GLRX3: variants seen among roughly 807,000 people sequenced by gnomAD.
The protein encoded by GLRX3 is glutaredoxin-3.
A neutral mutation model predicts 49.5 loss-of-function variants in GLRX3; 22 were observed. The observed-to-expected ratio is 0.44, with a 90% CI of 0.32 to 0.63. The LOEUF (loss-of-function observed/expected upper bound fraction) is 0.63. GLRX3 is among the 30% of genes least tolerant of loss of function. The pLI is 0.05. For missense variants in GLRX3, 385 were observed against 396.3 expected (o/e 0.97, Z 0.24); for synonymous variants, 133 against 140.0 (o/e 0.95, Z 0.35).
At chr10:130,162,421 G>A (rs902320148) in intron 4 of GLRX3, among the ~76,000 whole-genome samples, 10 of 152,178 alleles carry the variant, frequency 6.6e-5, no homozygotes, top group Non-Finnish European at 1.0e-4. Context: ...TCTCTGTTGC[G>A]TTTGTTATTT....
intron 10 of GLRX3, 60 bp downstream of exon 10, chr10:130,175,149 G>T: frequency 1.0e-6 from 1 of 952,468 alleles, no homozygotes; most frequent in Non-Finnish European, 1.7e-6. Context: ...GTTTAAAAAT[G>T]ATTTCATATT....
chr10:130,178,380 A>G (rs114571454), intron 10 of GLRX3, among the ~76,000 whole-genome samples: 2,896 of 151,806 alleles, frequency 0.019, 104 homozygotes, highest in African/African-American at 0.067. Context: ...TCAGCCTCCT[A>G]AGTAGCTAGA....
At chr10:130,146,235 A>G (rs1265511315) in intron 2 of GLRX3, among the ~76,000 whole-genome samples, 1 of 152,244 alleles carries the variant, frequency 6.6e-6, no homozygotes, top group African/African-American at 2.4e-5. Context: ...TTAAAATAGT[A>G]ACACAAATTA....
chr10:130,176,132 T>A (rs1401216603), intron 10 of GLRX3, among the ~76,000 whole-genome samples: 1 of 150,700 alleles, frequency 6.6e-6, no homozygotes, highest in Non-Finnish European at 1.5e-5. Flanking sequence ...TTTTTTTACA[T>A]TTTTTTTTGA....
chr10:130,155,055 C>G (rs1221699260), intron 2 of GLRX3, among the ~76,000 whole-genome samples: 1 of 151,886 alleles, frequency 6.6e-6, no homozygotes, highest in Non-Finnish European at 1.5e-5. Context: ...CACTGCAGCC[C>G]CAAACTTCCG....
intron 1 of GLRX3, among the ~76,000 whole-genome samples, chr10:130,143,724 G>T (rs1003971391): frequency 4.9e-4 from 74 of 151,010 alleles, no homozygotes; most frequent in African/African-American, 1.8e-3. Context: ...TTGAGGCAGA[G>T]TCTTGCTCTG....
At chr10:130,167,645 G>A (rs2134915192) in intron 6 of GLRX3, among the ~76,000 whole-genome samples, 1 of 152,276 alleles carries the variant, frequency 6.6e-6, no homozygotes, top group African/African-American at 2.4e-5. Context: ...TCAGCAATCA[G>A]CCATTCATAG....
chr10:130,173,275 A>G (rs1036155902), intron 8 of GLRX3, among the ~76,000 whole-genome samples: 2 of 152,064 alleles, frequency 1.3e-5, no homozygotes, highest in South Asian at 4.1e-4. Flanking sequence ...TATCTGTCTA[A>G]TCTCCATTGT....
chr10:130,164,193 G>T (rs1862637262), intron 4 of GLRX3, among the ~76,000 whole-genome samples: 1 of 151,832 alleles, frequency 6.6e-6, no homozygotes, highest in Non-Finnish European at 1.5e-5. Context: ...GTGTAGATAG[G>T]GTCTCAGTTG....
chr10:130,136,623 C>T (rs1862057010), intron 1 of GLRX3, 111 bp downstream of exon 1: 28 of 1,197,478 alleles, frequency 2.3e-5, no homozygotes, highest in Non-Finnish European at 2.8e-5. Context: ...TGCCCGGCTC[C>T]CTTCGGCCTC....
intron 1 of GLRX3, among the ~76,000 whole-genome samples, chr10:130,144,884 A>G (rs1862242534): frequency 6.6e-6 from 1 of 152,248 alleles, no homozygotes; most frequent in Non-Finnish European, 1.5e-5. Flanking sequence ...GAATTGCCAC[A>G]CTGTCTTCCA....
At chr10:130,167,674 A>C (rs966338520) in intron 6 of GLRX3, among the ~76,000 whole-genome samples, 24 of 152,236 alleles carry the variant, frequency 1.6e-4, no homozygotes, top group African/African-American at 5.8e-4. Context: ...GGAGATTGTA[A>C]GATAAACCTT....
intron 8 of GLRX3, among the ~76,000 whole-genome samples, chr10:130,173,767 G>A (rs1862860793): frequency 6.6e-6 from 1 of 152,146 alleles, no homozygotes; most frequent in African/African-American, 2.4e-5. Context: ...TTACATTGGG[G>A]TCTTTTTTTG....
intron 2 of GLRX3, among the ~76,000 whole-genome samples, chr10:130,158,726 A>C (rs181366199): frequency 3.0e-4 from 46 of 151,462 alleles, no homozygotes; most frequent in African/African-American, 1.1e-3. Flanking sequence ...AACGTCTTTA[A>C]AACTTTTGAG....
chr10:130,144,674 T>TA (rs1198133915), intron 1 of GLRX3, among the ~76,000 whole-genome samples: 5 of 152,244 alleles, frequency 3.3e-5, no homozygotes, highest in African/African-American at 1.2e-4. Flanking sequence ...TTCCATGGTA[T>TA]ATATGTGCCA....
chr10:130,148,322 G>A lies in GLRX3; in HGVS notation c.201+3003G>A, dbSNP rs577904416. Among the ~76,000 whole-genome samples the A allele has an allele frequency of 7.9e-5, 12 of 151,472 alleles. No homozygotes were observed. The South Asian group carries it at 2.5e-3, about 32-fold the overall frequency. On this transcript the variant is annotated intron_variant, in intron 2 of 10. Transcript: ENST00000331244. ...ATTTTTGTATTTTTTGTAGCGATAC[G>A]GTTTCACCATGTTGCTCAGGCTGGT... is the stretch of plus-strand genomic sequence containing the variant.
At chr10:130,153,252 T>TA (rs928493746) in intron 2 of GLRX3, among the ~76,000 whole-genome samples, 56 of 152,348 alleles carry the variant, frequency 3.7e-4, no homozygotes, top group African/African-American at 1.3e-3. Flanking sequence ...CATGCTCCTT[T>TA]AGCTAGGAGA....
At chr10:130,149,985 T>G (rs1469575260) in intron 2 of GLRX3, among the ~76,000 whole-genome samples, 1 of 147,608 alleles carries the variant, frequency 6.8e-6, no homozygotes, top group Non-Finnish European at 1.5e-5. Context: ...ACGCTTGTAA[T>G]CCCAGCACTT....
At chr10:130,159,949 A>G in intron 2 of GLRX3, 46 bp from the exon 3 acceptor site, 1 of 1,360,586 alleles carries the variant, frequency 7.3e-7, no homozygotes. Flanking sequence ...TAAAGTAGTG[A>G]AAAAGGACCT....
Sources: allele counts gnomAD v4.1 joint callset (sites outside exome capture counted in the v4.1 genomes callset), GRCh38; gene constraint gnomAD v4.1.1; transcripts MANE v1.5; gene names NCBI Gene and HGNC (gene_info 2026-07-23, HGNC 2026-07-21).